FBXO16: variants seen among roughly 807,000 people sequenced by gnomAD.
FBXO16 encodes F-box protein 16.
A neutral mutation model predicts 41.0 loss-of-function variants in FBXO16; 31 were observed. The ratio of observed to expected loss-of-function variants is 0.76; its 90% confidence interval spans 0.57 to 1.02. The LOEUF (loss-of-function observed/expected upper bound fraction) is 1.02, where lower values mean the gene tolerates loss of function less well. Among genes scored for constraint, FBXO16 ranks in the 50% least tolerant of loss-of-function variants. The probability of loss-of-function intolerance (pLI) is 0.00; values close to 1 mark genes in which losing one functional copy is unlikely to be tolerated. For missense variants in FBXO16, 361 were observed against 346.2 expected (o/e 1.04, Z -0.34); for synonymous variants, 133 against 117.8 (o/e 1.13, Z -0.84).
rs1563363014 is a variant in FBXO16 at position 28,454,753 on chromosome 8, G to GAAAAAAAAA, written c.507+2012_507+2013insTTTTTTTTT. Among the ~76,000 whole-genome samples the GAAAAAAAAA allele has an allele frequency of 8.6e-5, 5 of 58,342 alleles. 1 individual carries two copies. Among genetic ancestry groups the GAAAAAAAAA allele is most frequent in the African/African-American group, 4.0e-4 (4 of 10,054 alleles). The allele number at this position is 58,342 out of a possible 152,430, so 38.3% of individuals were successfully genotyped here. On this transcript the variant is annotated intron_variant, in intron 5 of 8. Transcript: ENST00000380254. ...AAAAAAAAAAAAAAAAAAAAAAAAG[G>GAAAAAAAAA]ATCATTAATTCTATATAGTACAAAA...
At chr8:28,442,821 C>A (rs1259272453) in intron 7 of FBXO16, among the ~76,000 whole-genome samples, 2 of 152,140 alleles carry the variant, frequency 1.3e-5, no homozygotes, top group East Asian at 3.8e-4. Context: ...TTTGAAACCT[C>A]AAACTCATCA....
chr8:28,448,997 T>G lies in FBXO16; in HGVS notation c.741-1724A>C, dbSNP rs139115224. ...AATGGATCTAGGCGATGAGTATCCA[T>G]GGCTACCAACACGAGACAGACAACC... On this transcript the variant is annotated intron_variant, in intron 6 of 8. Transcript: ENST00000380254. 11 of 152,346 alleles carry G rather than the reference T, an allele frequency of 7.2e-5. No homozygotes were observed. In the East Asian group the frequency reaches 1.9e-3, roughly 27 times the overall value. 9.4% of individuals were successfully genotyped at this position (152,346 alleles called of 1,614,324 possible). A position where few individuals can be genotyped will look rare whatever the true frequency, so the allele number is the denominator to read the frequency against.
At chr8:28,443,176 C>T (rs1224522524) in intron 7 of FBXO16, among the ~76,000 whole-genome samples, 1 of 152,022 alleles carries the variant, frequency 6.6e-6, no homozygotes, top group African/African-American at 2.4e-5. Context: ...ATGCCCCTGC[C>T]ATGCCCAGCT....
Position 28,466,975 on chromosome 8 carries a change from G to A in FBXO16, c.136-3157C>T, listed in dbSNP as rs749939870. Among the ~76,000 whole-genome samples, 3 of 120,326 alleles carry A rather than the reference G, an allele frequency of 2.5e-5. No homozygotes were observed. In the Admixed American group the frequency reaches 2.5e-4, roughly 10 times the overall value. The allele number at this position is 120,326 out of a possible 152,430, so 78.9% of individuals were successfully genotyped here. A position where few individuals can be genotyped will look rare whatever the true frequency, so the allele number is the denominator to read the frequency against. On this transcript the variant is annotated intron_variant, in intron 3 of 8. Transcript: ENST00000380254. ...TCTGTTTTTTTAGAGACAGGGTCTC[G>A]CTGTGTCGCCAGGTTGGCGTACAGT...
At chr8:28,458,493 G>T (rs1402265080) in intron 4 of FBXO16, among the ~76,000 whole-genome samples, 2 of 151,918 alleles carry the variant, frequency 1.3e-5, no homozygotes, top group African/African-American at 2.4e-5. Flanking sequence ...GGAAAGGGAA[G>T]GGGGAGAAAA....
chr8:28,443,495 G>A (rs1440747423), intron 7 of FBXO16, among the ~76,000 whole-genome samples: 1 of 152,136 alleles, frequency 6.6e-6, no homozygotes, highest in Non-Finnish European at 1.5e-5. Flanking sequence ...TTTGCCTTTA[G>A]AAGGTGCTCC....
At chr8:28,472,640 G>A (rs1328199751) in intron 3 of FBXO16, among the ~76,000 whole-genome samples, 2 of 152,284 alleles carry the variant, frequency 1.3e-5, no homozygotes, top group East Asian at 3.9e-4. Flanking sequence ...TACTCAGGAG[G>A]CTGAGGCAGG....
chr8:28,471,805 C>CACAAAAAAAAAA (rs781686111), intron 3 of FBXO16, among the ~76,000 whole-genome samples: 2 of 23,728 alleles, frequency 8.4e-5, no homozygotes, highest in Non-Finnish European at 1.4e-4. Context: ...CAGAGAATCT[C>CACAAAAAAAAAA]AAAAAAAAAA....
intron 4 of FBXO16, among the ~76,000 whole-genome samples, chr8:28,459,240 CTA>C (rs1212907942): frequency 6.6e-6 from 1 of 152,136 alleles, no homozygotes; most frequent in Non-Finnish European, 1.5e-5. Context: ...TTGGGAAACT[CTA>C]TATATAACTT....
chr8:28,443,023 C>CA (rs1802805376), intron 7 of FBXO16, among the ~76,000 whole-genome samples: 1 of 143,072 alleles, frequency 7.0e-6, no homozygotes, highest in Admixed American at 7.0e-5. Flanking sequence ...ATTACTTGTA[C>CA]TTTTTTTTTT....
At chr8:28,456,667 C>T (rs1353482128) in intron 5 of FBXO16, 99 bp downstream of exon 5, 4 of 1,352,938 alleles carry the variant, frequency 3.0e-6, no homozygotes, top group African/African-American at 1.5e-5. Flanking sequence ...CTTTGAACTA[C>T]CTCCCTTCCC....
chr8:28,439,046 G>C (rs1006293227), intron 7 of FBXO16, among the ~76,000 whole-genome samples: 11 of 150,422 alleles, frequency 7.3e-5, no homozygotes, highest in African/African-American at 2.7e-4. Flanking sequence ...GTTGCAGTGA[G>C]ATGGCCCCAC....
chr8:28,473,672 T>G, intron 3 of FBXO16, 100 bp downstream of exon 3: 1 of 992,380 alleles, frequency 1.0e-6, no homozygotes, highest in Non-Finnish European at 1.6e-6. Flanking sequence ...AAAATATGTC[T>G]GTTATTTATA....
chr8:28,460,385 G>T (rs1372894634), intron 4 of FBXO16, among the ~76,000 whole-genome samples: 3 of 141,672 alleles, frequency 2.1e-5, no homozygotes, highest in African/African-American at 5.4e-5. Context: ...AGCCTCTCAA[G>T]TAGCTGGGAC....
intron 5 of FBXO16, chr8:28,455,843 T>C (rs1040825889): frequency 7.2e-5 from 11 of 152,240 alleles, no homozygotes; most frequent in African/African-American, 2.4e-4. Context: ...AGTTTATTAC[T>C]GTATTAAGTG....
At chr8:28,465,622 A>T (rs868363793) in intron 3 of FBXO16, among the ~76,000 whole-genome samples, 30 of 147,240 alleles carry the variant, frequency 2.0e-4, no homozygotes, top group South Asian at 4.2e-4. Flanking sequence ...CAATAAAAAT[A>T]AAAAAAAAAT....
intron 1 of FBXO16, among the ~76,000 whole-genome samples, chr8:28,488,760 C>G (rs1803642735): frequency 6.6e-6 from 1 of 152,150 alleles, no homozygotes; most frequent in Non-Finnish European, 1.5e-5. Context: ...CACTTTTCAG[C>G]TCAAAACCTT....
chr8:28,440,833 T>C (rs181075754), intron 7 of FBXO16, among the ~76,000 whole-genome samples: 3 of 152,222 alleles, frequency 2.0e-5, no homozygotes, highest in Non-Finnish European at 4.4e-5. Flanking sequence ...ACCTAGAAAG[T>C]GAGGACATCT....
chr8:28,464,511 C>T lies in FBXO16; in HGVS notation c.136-693G>A, dbSNP rs187685392. ...ACCAAAAGAGAAAAAGGGAACAACA[C>T]TACCAGCTTAGTGAGCTACTTCACT... is the stretch of plus-strand genomic sequence containing the variant. On this transcript the variant is annotated intron_variant, in intron 3 of 8. Coordinates refer to ENST00000380254, the MANE Select transcript of FBXO16 (RefSeq NM_172366.4). Among the ~76,000 whole-genome samples the T allele has an allele frequency of 4.5e-3, 638 of 142,180 alleles. 5 individuals carry two copies. Among genetic ancestry groups the T allele is most frequent in the African/African-American group, 0.018 (588 of 31,896 alleles). 93.3% of individuals were successfully genotyped at this position (142,180 alleles called of 152,430 possible). A position where few individuals can be genotyped will look rare whatever the true frequency, so the allele number is the denominator to read the frequency against.
Sources: gnomAD v4.1 joint callset for allele counts (sites outside exome capture counted in the v4.1 genomes callset) on GRCh38, gnomAD v4.1.1 for gene constraint, MANE v1.5 for transcripts, NCBI Gene and HGNC (gene_info 2026-07-23, HGNC 2026-07-21) for gene names.